Variants in IGF2R observed in about 807,000 individuals in gnomAD.
IGF2R encodes cation-independent mannose-6-phosphate receptor.
IGF2R carries 91 observed loss-of-function variants against 270.6 expected under a neutral mutation model. The ratio of observed to expected loss-of-function variants is 0.34; its 90% CI spans 0.28 to 0.40. IGF2R has a LOEUF of 0.40. Among genes scored for constraint, IGF2R ranks in the 10% least tolerant of loss-of-function variants. The probability of loss-of-function intolerance (pLI) is 1.00; values close to 1 mark genes in which losing one functional copy is unlikely to be tolerated. For synonymous variants in IGF2R, 1,316 were observed against 1,258.9 expected, an observed-to-expected ratio of 1.05 and a Z score of -0.96; for missense variants, 2,805 against 3,188.3, an observed-to-expected ratio of 0.88 and a Z score of 2.90.
intron 4 of IGF2R, among the ~76,000 whole-genome samples, chr6:160,022,861 G>C (rs1206182535): frequency 2.6e-5 from 4 of 152,170 alleles, no homozygotes; most frequent in Non-Finnish European, 5.9e-5. Context: ...ATGAAGTGAG[G>C]GAAAGAGCCA....
Position 160,096,467 on chromosome 6 carries a change from T to G in IGF2R, c.6684T>G (p.Ser2228=). Residue 2228 remains serine, a synonymous_variant, in exon 45 of 48, where the codon TCT becomes TCG. Transcript: ENST00000356956. ...GCGATCTCGATGTCGTGTTTGCCTC[T>G]TCCTCTAAGTGCGGAAAGGATAAGA... ...QDGDLDVVFA[S]SSKCGKDKTK... 6.2e-7 allele frequency: 1 copy of G among 1,613,264 alleles called. No homozygotes were observed. Among genetic ancestry groups the G allele is most frequent in the Non-Finnish European group, 8.5e-7 (1 of 1,179,500 alleles).
rs968563693 is a variant in IGF2R, at chr6:160,110,010, C to G, written c.*4926C>G. ...GCAAAAAATGAAAAGGACCTGAGCT[C>G]TAATAAGTTTGGGAAATGCTGAATT... On this transcript the variant is annotated 3_prime_UTR_variant, in exon 48 of 48. Transcript: ENST00000356956. 3 of 152,164 alleles carry G rather than the reference C, an allele frequency of 2.0e-5. No individual in the cohort carries two copies. Among genetic ancestry groups the G allele is most frequent in the African/African-American group, 7.2e-5 (3 of 41,410 alleles). The allele number at this position is 152,164 out of a possible 1,614,324, so 9.4% of individuals were successfully genotyped here.
At chr6:159,972,252 A>T (rs1440350552) in intron 1 of IGF2R, among the ~76,000 whole-genome samples, 2 of 152,220 alleles carry the variant, frequency 1.3e-5, no homozygotes, top group Non-Finnish European at 2.9e-5. Flanking sequence ...GAGCATGAAA[A>T]GTCGAGTCCT....
Position 160,029,578 on chromosome 6 carries a change from G to A in IGF2R, c.805G>A (p.Ala269Thr). 6.2e-7 allele frequency: 1 copy of A among 1,613,954 alleles called. No individual in the cohort carries two copies. The highest frequency in any genetic ancestry group is 8.5e-7 in the Non-Finnish European group (1 of 1,179,818). The change falls in exon 7 of 48, where the codon GCA becomes ACA. Residue 269 changes from alanine (A) to threonine (T), a missense_variant. By Grantham distance (58) the Ala-to-Thr change is moderately conservative (BLOSUM62 0). Transcript: ENST00000356956. ...RLVLSYVREEAGKLDFCDGHS... is the reference protein window; with the variant it reads ...RLVLSYVREETGKLDFCDGHS... The stretch of plus-strand genomic sequence containing the variant: ...TGTCCTGAGTTACGTGAGGGAAGAG[G>A]CAGGAAAGCTAGACTTTTGTGATGG...
intron 2 of IGF2R, 44 bp from the exon 3 acceptor site, chr6:160,008,966 A>G: frequency 1.9e-6 from 3 of 1,601,568 alleles, no homozygotes; most frequent in Non-Finnish European, 1.7e-6. Context: ...CTGTTTGGTT[A>G]TGTATGTTTT....
intron 15 of IGF2R, among the ~76,000 whole-genome samples, 161 bp from the exon 16 acceptor site, chr6:160,046,997 TC>T (rs1310122735): frequency 6.6e-6 from 1 of 152,214 alleles, no homozygotes; most frequent in Non-Finnish European, 1.5e-5. Flanking sequence ...GTCCCAGTGT[TC>T]CTGCTGCCGT....
chr6:160,021,009 G>A (rs1362552707), intron 4 of IGF2R, among the ~76,000 whole-genome samples: 1 of 152,168 alleles, frequency 6.6e-6, no homozygotes, highest in Non-Finnish European at 1.5e-5. Context: ...AGAGTGAACA[G>A]ACAACATACA....
At chr6:160,054,247 C>T (rs1159839065) in intron 19 of IGF2R, among the ~76,000 whole-genome samples, 2 of 152,198 alleles carry the variant, frequency 1.3e-5, no homozygotes, top group Non-Finnish European at 2.9e-5. Flanking sequence ...TGCATATTCA[C>T]GAAGGGATGG....
At chr6:160,072,724 T>C (rs767734009) in intron 32 of IGF2R, 41 bp from the exon 33 acceptor site, 1 of 1,613,732 alleles carries the variant, frequency 6.2e-7, no homozygotes. Context: ...AAGTCTCAGC[T>C]CCCTGGAGTC....
At chr6:160,064,571 C>T (rs752546671) in intron 28 of IGF2R, 40 bp downstream of exon 28, 6 of 1,605,406 alleles carry the variant, frequency 3.7e-6, no homozygotes, top group Non-Finnish European at 4.3e-6. Flanking sequence ...GTCTTCTCCC[C>T]ACCCTCAGGC....
chr6:160,047,515 C>T (rs1285276260), intron 16 of IGF2R, among the ~76,000 whole-genome samples, 179 bp downstream of exon 16: 1 of 152,016 alleles, frequency 6.6e-6, no homozygotes, highest in Non-Finnish European at 1.5e-5. Flanking sequence ...GGTTGTGCAC[C>T]TTAATAACAG....
At chr6:160,044,763 T>C (rs544703884) in intron 13 of IGF2R, 106 bp downstream of exon 13, 15 of 892,708 alleles carry the variant, frequency 1.7e-5, no homozygotes, top group Non-Finnish European at 2.5e-5. Context: ...TCAGACAGAT[T>C]GGCATGGTGT....
intron 20 of IGF2R, 99 bp from the exon 21 acceptor site, chr6:160,057,924 A>G (rs1437858170): frequency 2.8e-6 from 2 of 711,700 alleles, no homozygotes; most frequent in African/African-American, 3.6e-5. Flanking sequence ...CAGTTTTGTC[A>G]GGTGCATACT....
intron 4 of IGF2R, among the ~76,000 whole-genome samples, chr6:160,024,069 A>G (rs1009095191): frequency 6.6e-6 from 1 of 152,152 alleles, no homozygotes; most frequent in African/African-American, 2.4e-5. Flanking sequence ...CGAGCACTGG[A>G]TGTGTCAGCA....
intron 7 of IGF2R, among the ~76,000 whole-genome samples, chr6:160,030,636 T>C (rs1302390066): frequency 6.7e-6 from 1 of 148,728 alleles, no homozygotes; most frequent in Non-Finnish European, 1.5e-5. Flanking sequence ...AGTGAGATGT[T>C]CTCAGGCGGT....
At chr6:160,007,321 G>GT (rs1784258810) in intron 2 of IGF2R, 1 of 152,204 alleles carries the variant, frequency 6.6e-6, no homozygotes, top group African/African-American at 2.4e-5. Context: ...TTACATAGTT[G>GT]TTGAACCAGT....
intron 4 of IGF2R, among the ~76,000 whole-genome samples, chr6:160,011,244 C>T (rs1338036801): frequency 1.3e-5 from 2 of 152,172 alleles, no homozygotes; most frequent in Non-Finnish European, 2.9e-5. Context: ...ATCTCTCTGT[C>T]CCTCTCCTCA....
At position 159,992,603 on chromosome 6, in the gene IGF2R, C is replaced by T. The variant is rs202210971; in HGVS notation, c.289+1280C>T. Among the ~76,000 whole-genome samples, 106 of 140,168 alleles carry T rather than the reference C, an allele frequency of 7.6e-4. 3 individuals carry two copies. In the East Asian group the frequency reaches 0.024, roughly 32 times the overall value. 92.0% of individuals were successfully genotyped at this position (140,168 alleles called of 152,430 possible). A position where few individuals can be genotyped will look rare whatever the true frequency, so the allele number is the denominator to read the frequency against. On this transcript the variant is annotated intron_variant, in intron 2 of 47. Transcript: ENST00000356956. Reference sequence around the variant, plus strand: ...GTCCATAGAAAAGAATGAAATCACACACACACACACACACACACACACACA... The same window carrying T: ...GTCCATAGAAAAGAATGAAATCACATACACACACACACACACACACACACA...
chr6:160,081,086 A>G (rs1778971437), intron 39 of IGF2R, among the ~76,000 whole-genome samples: 2 of 151,226 alleles, frequency 1.3e-5, no homozygotes, highest in Admixed American at 1.3e-4. Context: ...AGATCATGCC[A>G]CTTCACTCCA....
Sources: allele counts gnomAD v4.1 joint callset (sites outside exome capture counted in the v4.1 genomes callset), GRCh38; gene constraint gnomAD v4.1.1; transcripts MANE v1.5; gene names NCBI Gene and HGNC (gene_info 2026-07-23, HGNC 2026-07-21).